Variants in ANKS1B observed in about 807,000 individuals in gnomAD.
ANKS1B encodes the protein ankyrin repeat and sterile alpha motif domain-containing protein 1B.
In ANKS1B, 36 loss-of-function variants were observed where a neutral mutation model predicts 148.3. The ratio of observed to expected loss-of-function variants is 0.24; its 90% CI spans 0.19 to 0.32. The LOEUF (loss-of-function observed/expected upper bound fraction) is 0.32. ANKS1B is among the 10% of genes least tolerant of loss of function. The probability of loss-of-function intolerance (pLI) is 1.00; values close to 1 mark genes in which losing one functional copy is unlikely to be tolerated. For synonymous variants in ANKS1B, 542 were observed against 560.8 expected (o/e 0.97, Z 0.47); for missense variants, 1,157 against 1,542.6 (o/e 0.75, Z 4.19).
rs146300751 is a variant in ANKS1B at position 99,214,587 on chromosome 12, T to A, written c.2419+29755A>T. 1.5e-4 allele frequency among the ~76,000 whole-genome samples: 23 copies of A among 152,288 alleles called. No individual in the cohort carries two copies. In the East Asian group the frequency reaches 4.4e-3, roughly 29 times the overall value. On this transcript the variant is annotated intron_variant, in intron 14 of 26. Transcript: ENST00000683438. ...TCTGCCATGATTGTGAGGCCTCCTG[T>A]GGCGTGTGGAACTGTGAGTCCATGA...
At chr12:99,632,749 A>T (rs2098178335) in intron 9 of ANKS1B, among the ~76,000 whole-genome samples, 1 of 110,214 alleles carries the variant, frequency 9.1e-6, no homozygotes, top group African/African-American at 3.2e-5. Flanking sequence ...ATATATATAT[A>T]TATATATATA....
Position 99,500,787 on chromosome 12 carries a change from C to G in ANKS1B, c.1438+3689G>C, listed in dbSNP as rs749361466. Among the ~76,000 whole-genome samples the G allele has an allele frequency of 7.0e-4, 106 of 152,298 alleles. 1 individual carries two copies. Among genetic ancestry groups the G allele is most frequent in the Admixed American group, 2.2e-3 (34 of 15,292 alleles). On this transcript the variant is annotated intron_variant, in intron 10 of 26. Transcript: ENST00000683438. ...ACCTCTTCGAGCTCAAGGGTAATAT[C>G]ATGCTTTTTGAAAAATTACCTCCTC...
intron 14 of ANKS1B, among the ~76,000 whole-genome samples, chr12:99,202,826 A>G (rs1178221624): frequency 6.6e-6 from 1 of 152,150 alleles, no homozygotes; most frequent in Non-Finnish European, 1.5e-5. Context: ...GTGGTTGTAT[A>G]CCACCAGTCA....
At chr12:99,590,254 CCACCCACACA>C (rs1232579282) in intron 9 of ANKS1B, among the ~76,000 whole-genome samples, 2 of 130,266 alleles carry the variant, frequency 1.5e-5, no homozygotes, top group Admixed American at 7.5e-5. Context: ...ACACCCACAC[CCACCCACACA>C]CACACACACA....
intron 17 of ANKS1B, chr12:98,895,225 CG>C: frequency 1.0e-6 from 1 of 985,500 alleles, no homozygotes; most frequent in Non-Finnish European, 1.2e-6. Flanking sequence ...TGCCGGCGCG[CG>C]GGGGCCTCCT....
intron 17 of ANKS1B, among the ~76,000 whole-genome samples, chr12:98,965,689 C>T (rs2099877214): frequency 6.6e-6 from 1 of 152,056 alleles, no homozygotes; most frequent in African/African-American, 2.4e-5. Flanking sequence ...GGTGCTGGTA[C>T]CAAAACAGAG....
At chr12:98,860,954 T>C (rs1480688174) in intron 17 of ANKS1B, among the ~76,000 whole-genome samples, 1 of 152,210 alleles carries the variant, frequency 6.6e-6, no homozygotes, top group Non-Finnish European at 1.5e-5. Context: ...CATTTCCTCT[T>C]CATTGATATA....
intron 12 of ANKS1B, among the ~76,000 whole-genome samples, chr12:99,262,488 C>G (rs754178029): frequency 6.6e-6 from 1 of 151,838 alleles, no homozygotes; most frequent in Non-Finnish European, 1.5e-5. Flanking sequence ...ATAAAATAAC[C>G]TTTTATTCTG....
At position 98,841,854 on chromosome 12, in the gene ANKS1B, A is replaced by G. The variant is rs555348737; in HGVS notation, c.2779-9718T>C. Among the ~76,000 whole-genome samples the G allele has an allele frequency of 1.4e-3, 212 of 150,556 alleles. 1 individual carries two copies. The highest frequency in any genetic ancestry group is 5.0e-3 in the African/African-American group (206 of 40,812). On this transcript the variant is annotated intron_variant, in intron 17 of 26. Coordinates refer to ENST00000683438, the MANE Select transcript of ANKS1B (RefSeq NM_001352186.2). ...CCCCTTCCTTATCTTCTGGAGAGTC[A>G]CATCACAGAGTAGAGCTAGGAATCA... is the stretch of plus-strand genomic sequence containing the variant.
rs10603901 is a variant in ANKS1B, at chr12:99,890,570, GGTGTGTGTGTGTGTGTGTGTGTGTGTGT to G, written c.135-65209_135-65182del. On this transcript the variant is annotated intron_variant, in intron 1 of 26. Transcript: ENST00000683438. ...AAGTCTCTTTCTCACTCGCATTCAT[GGTGTGTGTGTGTGTGTGTGTGTGTGTGT>G]GTGTGTGTGTGTGTGTGTGTGTGTG... Among the ~76,000 whole-genome samples the G allele has an allele frequency of 5.8e-5, 8 of 138,048 alleles. No homozygotes were observed. In the South Asian group the frequency reaches 1.0e-3, roughly 17 times the overall value. The allele number at this position is 138,048 out of a possible 152,430, so 90.6% of individuals were successfully genotyped here. A position where few individuals can be genotyped will look rare whatever the true frequency, so the allele number is the denominator to read the frequency against.
chr12:98,767,800 T>C (rs1441119707), intron 25 of ANKS1B, among the ~76,000 whole-genome samples: 2 of 152,182 alleles, frequency 1.3e-5, no homozygotes, highest in Non-Finnish European at 2.9e-5. Flanking sequence ...GCAAATAAAA[T>C]ACAGAAGACA....
At chr12:98,824,091 A>C (rs1413464809) in intron 19 of ANKS1B, among the ~76,000 whole-genome samples, 1 of 152,170 alleles carries the variant, frequency 6.6e-6, no homozygotes, top group Admixed American at 6.5e-5. Context: ...CTCTCACTTG[A>C]TATTTTATCT....
chr12:99,712,279 T>C (rs1020497501), intron 8 of ANKS1B, among the ~76,000 whole-genome samples: 1 of 152,216 alleles, frequency 6.6e-6, no homozygotes, highest in African/African-American at 2.4e-5. Context: ...GTGGGGTTTA[T>C]GATAGGCTGA....
At chr12:99,972,571 A>G (rs1300544156) in intron 1 of ANKS1B, among the ~76,000 whole-genome samples, 1 of 152,230 alleles carries the variant, frequency 6.6e-6, no homozygotes, top group Non-Finnish European at 1.5e-5. Context: ...GGGAAGCTGC[A>G]GAAGAAAAAT....
chr12:99,529,953 A>T (rs915679411), intron 9 of ANKS1B, among the ~76,000 whole-genome samples: 3 of 152,210 alleles, frequency 2.0e-5, no homozygotes, highest in African/African-American at 7.2e-5. Flanking sequence ...ATAATAAATG[A>T]CTTTCTTATT....
At chr12:99,059,585 G>A (rs2041636070) in intron 16 of ANKS1B, among the ~76,000 whole-genome samples, 1 of 151,958 alleles carries the variant, frequency 6.6e-6, no homozygotes, top group South Asian at 2.1e-4. Context: ...GATTCTATTA[G>A]CCATGTAGCC....
chr12:99,551,688 G>A (rs902339570), intron 9 of ANKS1B, among the ~76,000 whole-genome samples: 2 of 152,050 alleles, frequency 1.3e-5, no homozygotes, highest in African/African-American at 4.8e-5. Flanking sequence ...AAAGTGAGAA[G>A]GCAGACATTT....
intron 17 of ANKS1B, among the ~76,000 whole-genome samples, chr12:99,032,236 T>A (rs1010417672): frequency 1.3e-5 from 2 of 152,236 alleles, no homozygotes; most frequent in African/African-American, 4.8e-5. Context: ...ATATCACAGC[T>A]TCTGTTACAA....
At chr12:99,163,837 T>C (rs1336692957) in intron 14 of ANKS1B, among the ~76,000 whole-genome samples, 1 of 152,230 alleles carries the variant, frequency 6.6e-6, no homozygotes, top group Non-Finnish European at 1.5e-5. Context: ...TTCCATGATA[T>C]GGATGTACCG....
Sources: allele counts gnomAD v4.1 joint callset (sites outside exome capture counted in the v4.1 genomes callset), GRCh38; gene constraint gnomAD v4.1.1; transcripts MANE v1.5; gene names NCBI Gene and HGNC (gene_info 2026-07-23, HGNC 2026-07-21).